SNTG2: variants seen among roughly 807,000 people sequenced by gnomAD.
SNTG2 encodes syntrophin gamma 2.
A neutral mutation model predicts 70.9 loss-of-function variants in SNTG2; 74 were observed. That is an observed-to-expected ratio of 1.04 (90% confidence interval 0.86 to 1.27). SNTG2 has a LOEUF of 1.27. Ranked by LOEUF, SNTG2 falls within the 50% of genes most tolerant of loss-of-function variation. The pLI is 0.00. For missense variants in SNTG2, 717 were observed against 690.7 expected, an observed-to-expected ratio of 1.04 and a Z score of -0.43; for synonymous variants, 278 against 273.8, an observed-to-expected ratio of 1.02 and a Z score of -0.15.
At chr2:1,315,810 T>C (rs573762401) in intron 15 of SNTG2, among the ~76,000 whole-genome samples, 1 of 152,224 alleles carries the variant, frequency 6.6e-6, no homozygotes, top group East Asian at 1.9e-4. Context: ...ATTAAAGTTT[T>C]TCATTTTATC....
intron 2 of SNTG2, among the ~76,000 whole-genome samples, chr2:1,086,197 T>C (rs1421034351): frequency 1.3e-5 from 2 of 152,102 alleles, no homozygotes; most frequent in Non-Finnish European, 2.9e-5. Flanking sequence ...ACTATTAAAA[T>C]AGTGTGAGTT....
intron 1 of SNTG2, among the ~76,000 whole-genome samples, chr2:981,650 T>C (rs189325276): frequency 2.6e-5 from 4 of 152,238 alleles, no homozygotes; most frequent in Admixed American, 2.6e-4. Context: ...CGTGTGCTCA[T>C]ACATGCACAT....
At chr2:1,033,136 T>C in intron 1 of SNTG2, among the ~76,000 whole-genome samples, 1 of 152,152 alleles carries the variant, frequency 6.6e-6, no homozygotes, top group East Asian at 1.9e-4. Context: ...TCCAGTTGCC[T>C]CCGCCAGGTT....
At chr2:1,146,265 C>CTT (rs1669094818) in intron 6 of SNTG2, among the ~76,000 whole-genome samples, 1 of 152,074 alleles carries the variant, frequency 6.6e-6, no homozygotes, top group Non-Finnish European at 1.5e-5. Context: ...AAATGAAAAA[C>CTT]TGGACTTTGA....
At chr2:1,021,915 G>T (rs1285466340) in intron 1 of SNTG2, among the ~76,000 whole-genome samples, 1 of 142,402 alleles carries the variant, frequency 7.0e-6, no homozygotes, top group Non-Finnish European at 1.5e-5. Flanking sequence ...ACCACACCTG[G>T]CTTGAATTTT....
chr2:1,150,908 G>A (rs1353725110), intron 6 of SNTG2, among the ~76,000 whole-genome samples: 3 of 38,494 alleles, frequency 7.8e-5, no homozygotes, highest in Non-Finnish European at 1.9e-4. Flanking sequence ...GAGCAGCCAT[G>A]CGGCTGCTGA....
At chr2:1,209,980 G>C (rs966130104) in intron 9 of SNTG2, among the ~76,000 whole-genome samples, 13 of 152,018 alleles carry the variant, frequency 8.6e-5, no homozygotes, top group Non-Finnish European at 1.3e-4. Flanking sequence ...GTGTGTGGCC[G>C]TGGTGTGTGC....
intron 1 of SNTG2, among the ~76,000 whole-genome samples, chr2:1,033,107 G>A (rs947716830): frequency 6.6e-6 from 1 of 152,134 alleles, no homozygotes; most frequent in East Asian, 1.9e-4. Context: ...AACCACTTAC[G>A]AGAAATATGC....
intron 1 of SNTG2, among the ~76,000 whole-genome samples, chr2:971,845 C>T (rs1205790357): frequency 6.6e-6 from 1 of 151,786 alleles, no homozygotes; most frequent in Non-Finnish European, 1.5e-5. Context: ...TCCAGAGATT[C>T]TGGTATGTTG....
At chr2:1,320,586 G>C (rs755978326) in intron 16 of SNTG2, among the ~76,000 whole-genome samples, 2 of 150,284 alleles carry the variant, frequency 1.3e-5, no homozygotes, top group Admixed American at 6.6e-5. Context: ...AAAAAATCAC[G>C]TAGAATTCAA....
intron 1 of SNTG2, among the ~76,000 whole-genome samples, chr2:1,045,275 T>C (rs1661668806): frequency 6.6e-6 from 1 of 152,220 alleles, no homozygotes. Flanking sequence ...TGTTTGGATC[T>C]TCTCTCTTAC....
intron 8 of SNTG2, among the ~76,000 whole-genome samples, chr2:1,197,204 A>G (rs1162693217): frequency 1.3e-5 from 2 of 152,082 alleles, no homozygotes; most frequent in South Asian, 4.1e-4. Flanking sequence ...GAAATGACCC[A>G]ATTATATGCT....
At chr2:1,283,877 C>A (rs933913945) in intron 14 of SNTG2, among the ~76,000 whole-genome samples, 1 of 152,200 alleles carries the variant, frequency 6.6e-6, no homozygotes, top group African/African-American at 2.4e-5. Context: ...GTCTTCTTTA[C>A]CTATCCAAAT....
chr2:1,204,966 G>A (rs57584036), intron 8 of SNTG2, among the ~76,000 whole-genome samples: 90 of 152,126 alleles, frequency 5.9e-4, no homozygotes, highest in Non-Finnish European at 1.2e-3. Context: ...TTATTTTCTT[G>A]TATGTCTTTA....
intron 14 of SNTG2, among the ~76,000 whole-genome samples, chr2:1,294,288 C>G (rs1680110371): frequency 2.6e-5 from 4 of 152,184 alleles, no homozygotes; most frequent in Admixed American, 2.6e-4. Context: ...ACCCTCAGGT[C>G]CCATTAGGGA....
At chr2:1,122,913 A>G (rs1319964613) in intron 4 of SNTG2, among the ~76,000 whole-genome samples, 1 of 117,812 alleles carries the variant, frequency 8.5e-6, no homozygotes, top group Non-Finnish European at 1.7e-5. Flanking sequence ...TACACAAATA[A>G]TAGCTGAAAA....
At chr2:1,189,633 A>T in intron 8 of SNTG2, among the ~76,000 whole-genome samples, 1 of 151,350 alleles carries the variant, frequency 6.6e-6, no homozygotes, top group Non-Finnish European at 1.5e-5. Context: ...ATCTTGACTC[A>T]CTGCAACCTC....
chr2:1,134,997 G>T (rs1487239608), intron 4 of SNTG2, among the ~76,000 whole-genome samples: 1 of 152,140 alleles, frequency 6.6e-6, no homozygotes, highest in Non-Finnish European at 1.5e-5. Flanking sequence ...CAGACGCTGG[G>T]CTGCAATTCA....
chr2:1,137,287 C>T (rs566413427), intron 4 of SNTG2, among the ~76,000 whole-genome samples: 14 of 152,234 alleles, frequency 9.2e-5, no homozygotes, highest in Admixed American at 4.6e-4. Flanking sequence ...CACGCATGCA[C>T]ACCCATCTGC....
Sources: gnomAD v4.1 joint callset for allele counts (sites outside exome capture counted in the v4.1 genomes callset) on GRCh38, gnomAD v4.1.1 for gene constraint, MANE v1.5 for transcripts, NCBI Gene and HGNC (gene_info 2026-07-23, HGNC 2026-07-21) for gene names.